The following SPIRE2 variants were observed in gnomAD, a reference collection of about 807,000 sequenced individuals.
The protein encoded by SPIRE2 is protein spire homolog 2.
A neutral mutation model predicts 80.7 loss-of-function variants in SPIRE2; 76 were observed. That is an observed-to-expected ratio of 0.94 (90% CI 0.78 to 1.14). The LOEUF (loss-of-function observed/expected upper bound fraction) is 1.14, where lower values mean the gene tolerates loss of function less well. SPIRE2 is among the 50% of genes most tolerant of loss of function. The pLI is 0.00. For missense variants in SPIRE2, 1,196 were observed against 1,015.3 expected (o/e 1.18, Z -2.42); for synonymous variants, 535 against 432.6 (o/e 1.24, Z -2.94).
intron 6 of SPIRE2, 164 bp from the exon 7 acceptor site, chr16:89,855,949 G>T (rs2041686436): frequency 1.5e-6 from 2 of 1,298,728 alleles, no homozygotes; most frequent in South Asian, 1.5e-5. Flanking sequence ...AGAGCCCCCT[G>T]GGAGCAGCAC....
At chr16:89,858,029 C>T (rs1322720421) in intron 7 of SPIRE2, among the ~76,000 whole-genome samples, 4 of 151,892 alleles carry the variant, frequency 2.6e-5, no homozygotes, top group Non-Finnish European at 1.5e-5. Flanking sequence ...ACTACAGGCG[C>T]GTGCCACCAC....
Position 89,860,895 on chromosome 16 carries a change from G to C in SPIRE2, c.1575+100G>C, listed in dbSNP as rs2041737708. The C allele has an allele frequency of 7.0e-6, 5 of 712,410 alleles. No individual in the cohort carries two copies. The South Asian group carries it at 1.0e-4, about 15-fold the overall frequency. The allele number at this position is 712,410 out of a possible 1,614,324, so 44.1% of individuals were successfully genotyped here. On this transcript the variant is annotated intron_variant, in intron 10 of 14. Coordinates refer to ENST00000378247, the MANE Select transcript of SPIRE2 (RefSeq NM_032451.2). ...GTCTGGGAGATGGGTCTGAGCACCT[G>C]TCTGGGGGGTGTGGCCTGAGCGTCC... is the stretch of plus-strand genomic sequence containing the variant.
At chr16:89,841,048 G>C (rs561730741) in intron 1 of SPIRE2, among the ~76,000 whole-genome samples, 2 of 152,164 alleles carry the variant, frequency 1.3e-5, no homozygotes, top group African/African-American at 4.8e-5. Context: ...GTCAGGTGCA[G>C]TAGCTCACAC....
chr16:89,845,565 G>T, intron 2 of SPIRE2, 200 bp downstream of exon 2: 1 of 709,478 alleles, frequency 1.4e-6, no homozygotes, highest in South Asian at 1.5e-5. Context: ...CCGCCGGGGT[G>T]GGGAGGGTCC....
At position 89,850,501 on chromosome 16, in the gene SPIRE2, C is replaced by A. The variant is rs559014238; in HGVS notation, c.486C>A (p.Pro162=). ...AGGAGGAGGAGGCCGAGGGCGTCCC[C>A]CGCAGCGTGCGCACCTTTGCCCAGG... ...PEEEEEAEGV[P]RSVRTFAQAM... is the part of the protein sequence containing the mutation. Residue 162 remains proline (P), a synonymous_variant, in exon 3 of 15, where the codon CCC becomes CCA. Coordinates refer to ENST00000378247, the MANE Select transcript of SPIRE2 (RefSeq NM_032451.2). 1.8e-5 allele frequency: 28 copies of A among 1,527,426 alleles called. No homozygotes were observed. The African/African-American group carries it at 2.2e-4, about 12-fold the overall frequency. The allele number at this position is 1,527,426 out of a possible 1,614,324, so 94.6% of individuals were successfully genotyped here.
rs371843292 is a variant in SPIRE2, at chr16:89,828,592, A to G, written c.42A>G (p.Ala14=). 9.3e-3 allele frequency: 11,181 copies of G among 1,199,430 alleles called. 213 individuals are homozygous for G. Among genetic ancestry groups the G allele is most frequent in the South Asian group, 0.087 (2,889 of 33,300 alleles). 74.3% of individuals were successfully genotyped at this position (1,199,430 alleles called of 1,614,324 possible). ...GCTGCGGCGGCGCCGCGGCGGGCGC[A>G]GGGCGGCCGGAGCCCTGGGAGCTGT... ...AGSCGGAAAG[A]GRPEPWELSL... Residue 14 remains alanine (A), a synonymous_variant, in exon 1 of 15, where the codon GCA becomes GCG. Coordinates refer to ENST00000378247, the MANE Select transcript of SPIRE2 (RefSeq NM_032451.2). This position sits in a 1 kb window ranked among gnomAD's most constrained non-coding sequence, Gnocchi z 5.9.
rs2041807633 is a variant in SPIRE2, at chr16:89,868,321, C to T, written c.1806+105C>T. On this transcript the variant is annotated intron_variant, in intron 13 of 14. Transcript: ENST00000378247. ...ATGCTGCCTCACCAGGCACCTCATC[C>T]ATTTCCTTTCAGGCAGAATCCATTC... 3.5e-6 allele frequency: 4 copies of T among 1,149,894 alleles called. No individual in the cohort carries two copies. The East Asian group carries it at 9.4e-5, about 27-fold the overall frequency. 71.2% of individuals were successfully genotyped at this position (1,149,894 alleles called of 1,614,324 possible). A position where few individuals can be genotyped will look rare whatever the true frequency, so the allele number is the denominator to read the frequency against.
At chr16:89,844,695 C>T (rs1257394564) in intron 1 of SPIRE2, among the ~76,000 whole-genome samples, 1 of 152,222 alleles carries the variant, frequency 6.6e-6, no homozygotes, top group Non-Finnish European at 1.5e-5. Flanking sequence ...GCCTCAGCCT[C>T]CCAAAGTGCC....
At chr16:89,867,727 G>A (rs982001955) in intron 12 of SPIRE2, among the ~76,000 whole-genome samples, 4 of 151,952 alleles carry the variant, frequency 2.6e-5, no homozygotes, top group Admixed American at 2.0e-4. Context: ...TGTGATTACA[G>A]GTGCCTGCTG....
chr16:89,838,091 C>T (rs868489481), intron 1 of SPIRE2, among the ~76,000 whole-genome samples: 25 of 151,880 alleles, frequency 1.6e-4, no homozygotes, highest in Admixed American at 5.9e-4. Flanking sequence ...TCTCCGCCTC[C>T]GGGGATCAAA....
chr16:89,844,084 C>G (rs1441371248), intron 1 of SPIRE2, among the ~76,000 whole-genome samples: 2 of 151,298 alleles, frequency 1.3e-5, no homozygotes, highest in Admixed American at 6.6e-5. Context: ...CAGCCTCAAC[C>G]TCCTGGGCTC....
chr16:89,852,091 C>G (rs1208278965), intron 3 of SPIRE2, among the ~76,000 whole-genome samples: 1 of 102,518 alleles, frequency 9.8e-6, no homozygotes, highest in Non-Finnish European at 1.9e-5. Context: ...CATCTTCCAT[C>G]CTCCCCCCAC....
chr16:89,853,295 TC>T (rs1271947366), intron 3 of SPIRE2, among the ~76,000 whole-genome samples: 1 of 120,572 alleles, frequency 8.3e-6, no homozygotes, highest in Non-Finnish European at 1.7e-5. Flanking sequence ...GAGCCACTGT[TC>T]CCGGCCAGAA....
chr16:89,868,505 C>T (rs970935794), intron 13 of SPIRE2, among the ~76,000 whole-genome samples: 1 of 152,160 alleles, frequency 6.6e-6, no homozygotes, highest in South Asian at 2.1e-4. Flanking sequence ...TTAGGAGGGG[C>T]TTCTTATTGC....
rs1015196118 is a variant in SPIRE2 at position 89,863,927 on chromosome 16, C to T, written c.1778+66C>T. On this transcript the variant is annotated intron_variant, in intron 12 of 14. Coordinates refer to ENST00000378247, the MANE Select transcript of SPIRE2 (RefSeq NM_032451.2). This position sits in a 1 kb window ranked among gnomAD's most constrained non-coding sequence, Gnocchi z 4.3. Reference sequence around the variant, plus strand: ...GAGGCGAGAAACCTCGGGGCAGTACCGCCCACAGAACTTCCTGTGATTCCA... The same window carrying T: ...GAGGCGAGAAACCTCGGGGCAGTACTGCCCACAGAACTTCCTGTGATTCCA... The T allele has an allele frequency of 9.6e-6, 12 of 1,252,732 alleles. No individual in the cohort carries two copies. Among genetic ancestry groups the T allele is most frequent in the African/African-American group, 8.9e-5 (6 of 67,082 alleles). 77.6% of individuals were successfully genotyped at this position (1,252,732 alleles called of 1,614,324 possible).
intron 13 of SPIRE2, among the ~76,000 whole-genome samples, chr16:89,868,540 G>A (rs2041809208): frequency 6.6e-6 from 1 of 152,124 alleles, no homozygotes; most frequent in Non-Finnish European, 1.5e-5. Flanking sequence ...CTTATGTGCA[G>A]GTGCACAGAG....
In SPIRE2 at chr16:89,850,421, G is replaced by A. The variant is rs1416879801; in HGVS notation, c.406G>A (p.Asp136Asn). The change falls in exon 3 of 15, where the codon GAC becomes AAC. Residue 136 changes from aspartate (D) to asparagine (N), a missense_variant. Transcript: ENST00000378247. The stretch of plus-strand genomic sequence containing the variant: ...GCTCATCGACCTCATGGCCAACAAC[G>A]ACAGCGAGGACAGCGGCTGCGGTGC... Reference protein sequence around the residue: ...ERLIDLMANNDSEDSGCGAAD... With the variant: ...ERLIDLMANNNSEDSGCGAAD... 1 of 1,583,658 alleles carries A rather than the reference G, an allele frequency of 6.3e-7. No homozygotes were observed. The highest frequency in any genetic ancestry group is 8.6e-7 in the Non-Finnish European group (1 of 1,166,632).
chr16:89,855,723 G>A (rs200673815), intron 6 of SPIRE2, 37 bp downstream of exon 6: 169 of 1,597,562 alleles, frequency 1.1e-4, no homozygotes, highest in East Asian at 1.6e-4. Flanking sequence ...GGGGCCGCCC[G>A]GGGCCTGGTG....
At chr16:89,865,664 A>G (rs1330598685) in intron 12 of SPIRE2, among the ~76,000 whole-genome samples, 1 of 152,098 alleles carries the variant, frequency 6.6e-6, no homozygotes, top group South Asian at 2.1e-4. Context: ...AGAATTTCCC[A>G]GACTGAATAA....
Sources: allele counts gnomAD v4.1 joint callset (sites outside exome capture counted in the v4.1 genomes callset), GRCh38; gene constraint gnomAD v4.1.1; non-coding constraint Gnocchi (gnomAD v3.1); transcripts MANE v1.5; gene names NCBI Gene and HGNC (gene_info 2026-07-23, HGNC 2026-07-21).